Variants in CCSER1 observed in about 807,000 individuals in gnomAD.
CCSER1 encodes serine-rich coiled-coil domain-containing protein 1.
In CCSER1, 41 loss-of-function variants were observed where a neutral mutation model predicts 82.0. The ratio of observed to expected loss-of-function variants is 0.50; its 90% CI spans 0.39 to 0.65. CCSER1 has a LOEUF of 0.65. CCSER1 is among the 30% of genes least tolerant of loss of function. The pLI is 0.00. For synonymous variants in CCSER1, 414 were observed against 383.9 expected, an observed-to-expected ratio of 1.08 and a Z score of -0.92; for missense variants, 1,119 against 1,064.2, an observed-to-expected ratio of 1.05 and a Z score of -0.72.
At chr4:91,099,547 T>C (rs56118168) in intron 10 of CCSER1, among the ~76,000 whole-genome samples, 64,932 of 151,928 alleles carry the variant, frequency 0.43, 14,684 homozygotes, top group East Asian at 0.73. Context: ...AGAACACATG[T>C]CCAAGGTAGT....
intron 10 of CCSER1, among the ~76,000 whole-genome samples, chr4:91,370,210 C>T (rs1182308021): frequency 6.6e-6 from 1 of 152,040 alleles, no homozygotes; most frequent in East Asian, 1.9e-4. Flanking sequence ...AAAAAATTGT[C>T]TCAGTTATTG....
intron 5 of CCSER1, among the ~76,000 whole-genome samples, chr4:90,527,456 G>T (rs946558149): frequency 1.3e-5 from 2 of 151,630 alleles, no homozygotes; most frequent in African/African-American, 4.8e-5. Flanking sequence ...ATAAGTGGGA[G>T]AAATAACACA....
intron 8 of CCSER1, among the ~76,000 whole-genome samples, chr4:90,874,043 A>G (rs1040151703): frequency 2.6e-5 from 4 of 152,138 alleles, no homozygotes; most frequent in South Asian, 2.1e-4. Flanking sequence ...TGCTAATGTA[A>G]TGATAAGTAA....
intron 7 of CCSER1, among the ~76,000 whole-genome samples, chr4:90,807,558 C>T (rs1757680554): frequency 6.6e-6 from 1 of 151,752 alleles, no homozygotes; most frequent in Admixed American, 6.6e-5. Context: ...CAACATAAAG[C>T]AACTCCATCT....
intron 10 of CCSER1, among the ~76,000 whole-genome samples, chr4:91,213,052 A>T (rs1280447562): frequency 6.6e-6 from 1 of 152,104 alleles, no homozygotes; most frequent in Non-Finnish European, 1.5e-5. Context: ...CATCCATGTT[A>T]TTGCAAATGA....
At chr4:90,196,237 T>C (rs1317796284) in intron 1 of CCSER1, among the ~76,000 whole-genome samples, 1 of 151,996 alleles carries the variant, frequency 6.6e-6, no homozygotes, top group Non-Finnish European at 1.5e-5. Flanking sequence ...CCAGCAATCC[T>C]CCACTGCAGA....
chr4:91,119,083 G>A (rs765730973), intron 10 of CCSER1, among the ~76,000 whole-genome samples: 12 of 151,586 alleles, frequency 7.9e-5, no homozygotes, highest in Middle Eastern at 3.4e-3. Flanking sequence ...GTATAAAAAG[G>A]GGCAGATGTT....
intron 8 of CCSER1, among the ~76,000 whole-genome samples, chr4:90,860,351 T>TA (rs148724241): frequency 1.3e-5 from 2 of 151,342 alleles, no homozygotes; most frequent in Non-Finnish European, 3.0e-5. Context: ...AGACAGAAAA[T>TA]AAAAAATATT....
chr4:91,231,141 G>A (rs565761584), intron 10 of CCSER1, among the ~76,000 whole-genome samples: 13 of 151,796 alleles, frequency 8.6e-5, no homozygotes, highest in South Asian at 4.2e-4. Context: ...AAATATATAC[G>A]CACGACGGTA....
At chr4:91,426,704 TTTTAA>T (rs1754003169) in intron 10 of CCSER1, among the ~76,000 whole-genome samples, 1 of 152,218 alleles carries the variant, frequency 6.6e-6, no homozygotes. Context: ...TCTTGTTGAC[TTTTAA>T]TTTCTGATTT....
At chr4:90,998,775 G>A (rs1035430285) in intron 9 of CCSER1, among the ~76,000 whole-genome samples, 5 of 151,266 alleles carry the variant, frequency 3.3e-5, no homozygotes, top group African/African-American at 7.3e-5. Flanking sequence ...TGCAAGTTTG[G>A]TACCTGGGTT....
At chr4:90,373,970 C>T (rs990492321) in intron 3 of CCSER1, among the ~76,000 whole-genome samples, 6 of 152,088 alleles carry the variant, frequency 3.9e-5, no homozygotes, top group Admixed American at 2.0e-4. Flanking sequence ...AAGAAAATGC[C>T]GATACTCTAG....
intron 10 of CCSER1, among the ~76,000 whole-genome samples, chr4:91,529,875 A>G (rs1760937485): frequency 6.6e-6 from 1 of 152,180 alleles, no homozygotes; most frequent in African/African-American, 2.4e-5. Flanking sequence ...AATCCACGTC[A>G]GAGGGAAGAC....
chr4:91,177,463 T>C (rs1560494820), intron 10 of CCSER1, among the ~76,000 whole-genome samples: 2 of 152,294 alleles, frequency 1.3e-5, no homozygotes, highest in East Asian at 3.9e-4. Context: ...CTTTTTTTGG[T>C]TGGTAGGCTA....
chr4:90,729,175 T>C (rs1744252989), intron 7 of CCSER1, among the ~76,000 whole-genome samples: 1 of 152,194 alleles, frequency 6.6e-6, no homozygotes, highest in African/African-American at 2.4e-5. Flanking sequence ...GTGTCTACAA[T>C]AGCACATAGT....
At chr4:90,881,799 A>G (rs1023287886) in intron 8 of CCSER1, among the ~76,000 whole-genome samples, 2 of 152,118 alleles carry the variant, frequency 1.3e-5, no homozygotes, top group African/African-American at 4.8e-5. Flanking sequence ...AGAAAAAGAA[A>G]AACATACACA....
intron 5 of CCSER1, among the ~76,000 whole-genome samples, chr4:90,590,723 G>A (rs111315244): frequency 0.081 from 12,374 of 151,996 alleles, 1,381 homozygotes; most frequent in African/African-American, 0.25. Flanking sequence ...GTTTGAAGTC[G>A]CGTAGCATGA....
rs560929906 is a variant in CCSER1, at chr4:90,817,798, TG to T, written c.2094+1954del. Among the ~76,000 whole-genome samples, 22 of 152,306 alleles carry T rather than the reference TG, an allele frequency of 1.4e-4. No individual in the cohort carries two copies. The South Asian group carries it at 3.5e-3, about 24-fold the overall frequency. ...GAGCATGGATAAGAAATGCCAATCA[TG>T]TAGGCCAATACAAACCCCTTGCATC... On this transcript the variant is annotated intron_variant, in intron 8 of 10. Coordinates refer to ENST00000509176, the MANE Select transcript of CCSER1 (RefSeq NM_001145065.2).
chr4:90,660,970 A>G (rs1317976890), intron 6 of CCSER1, among the ~76,000 whole-genome samples: 11 of 152,172 alleles, frequency 7.2e-5, no homozygotes. Flanking sequence ...GTGCTCAATA[A>G]AGGTAAAAGG....
Sources: allele counts gnomAD v4.1 joint callset (sites outside exome capture counted in the v4.1 genomes callset), GRCh38; gene constraint gnomAD v4.1.1; transcripts MANE v1.5; gene names NCBI Gene and HGNC (gene_info 2026-07-23, HGNC 2026-07-21).